Variants in MLLT3 observed in about 807,000 individuals in gnomAD.
The protein encoded by MLLT3 is protein AF-9.
MLLT3 carries 4 observed loss-of-function variants against 53.2 expected under a neutral mutation model. That is an observed-to-expected ratio of 0.08 (90% confidence interval 0.04 to 0.17). The LOEUF (loss-of-function observed/expected upper bound fraction) is 0.17. MLLT3 is among the 10% of genes least tolerant of loss of function. The pLI is 1.00. For missense variants in MLLT3, 569 were observed against 684.0 expected, an observed-to-expected ratio of 0.83 and a Z score of 1.87; for synonymous variants, 283 against 230.6, an observed-to-expected ratio of 1.23 and a Z score of -2.06.
intron 2 of MLLT3, among the ~76,000 whole-genome samples, chr9:20,512,692 T>C (rs1356480346): frequency 1.3e-5 from 2 of 152,218 alleles, no homozygotes; most frequent in Non-Finnish European, 2.9e-5. Context: ...TTAATGCAGC[T>C]GATTTTATTT....
rs561848386 is a variant in MLLT3, at chr9:20,415,414, C to A, written c.421-989G>T. The A allele has an allele frequency of 7.1e-5, 66 of 932,024 alleles. No individual in the cohort carries two copies. In the South Asian group the frequency reaches 2.9e-3, roughly 41 times the overall value. The allele number at this position is 932,024 out of a possible 1,614,324, so 57.7% of individuals were successfully genotyped here. On this transcript the variant is annotated intron_variant, in intron 4 of 10. Coordinates refer to ENST00000380338, the MANE Select transcript of MLLT3 (RefSeq NM_004529.4). Reference sequence around the variant, plus strand: ...TATATATAATCTTTCTGTTTAGGAACAAAATCTAAGTCCATACTTACCATA... The same window carrying A: ...TATATATAATCTTTCTGTTTAGGAAAAAAATCTAAGTCCATACTTACCATA...
intron 5 of MLLT3, among the ~76,000 whole-genome samples, chr9:20,373,420 T>C (rs563857557): frequency 6.2e-4 from 95 of 152,320 alleles, no homozygotes; most frequent in African/African-American, 2.1e-3. Flanking sequence ...TGTTTACAAC[T>C]AGAAGTGTTT....
intron 2 of MLLT3, among the ~76,000 whole-genome samples, chr9:20,551,816 T>C (rs1365534594): frequency 1.3e-5 from 2 of 152,178 alleles, no homozygotes; most frequent in Non-Finnish European, 2.9e-5. Context: ...TATTGAACAT[T>C]AACATTACAC....
chr9:20,524,006 T>G (rs1379148595), intron 2 of MLLT3, among the ~76,000 whole-genome samples: 2 of 148,592 alleles, frequency 1.3e-5, no homozygotes, highest in Non-Finnish European at 3.0e-5. Flanking sequence ...CACAGAGAGA[T>G]CAATGGTTGT....
intron 2 of MLLT3, among the ~76,000 whole-genome samples, chr9:20,567,420 C>G (rs911623159): frequency 3.3e-5 from 5 of 151,432 alleles, no homozygotes; most frequent in African/African-American, 1.2e-4. Context: ...CTGTTGCAAT[C>G]AAGCCACCAA....
At chr9:20,380,858 T>C (rs967349651) in intron 5 of MLLT3, among the ~76,000 whole-genome samples, 1 of 152,034 alleles carries the variant, frequency 6.6e-6, no homozygotes, top group Non-Finnish European at 1.5e-5. Context: ...TGGAAAGTGC[T>C]GTTTTCTTAT....
intron 2 of MLLT3, among the ~76,000 whole-genome samples, chr9:20,462,721 A>C (rs1236280848): frequency 6.6e-6 from 1 of 152,054 alleles, no homozygotes; most frequent in Non-Finnish European, 1.5e-5. Flanking sequence ...CCTCATCCCT[A>C]CTTAATTCAG....
At chr9:20,470,329 T>A (rs1362692125) in intron 2 of MLLT3, among the ~76,000 whole-genome samples, 1 of 152,004 alleles carries the variant, frequency 6.6e-6, no homozygotes, top group Admixed American at 6.6e-5. Flanking sequence ...AAGCCTGGTT[T>A]ATTTAAATTT....
intron 4 of MLLT3, among the ~76,000 whole-genome samples, chr9:20,439,354 TCAAAAACAAAAA>T (rs761625465): frequency 4.1e-5 from 6 of 147,732 alleles, no homozygotes; most frequent in Non-Finnish European, 8.9e-5. Flanking sequence ...AGACTCCATC[TCAAAAACAAAAA>T]CAAAAACAGA....
chr9:20,390,798 C>T (rs1822160776), intron 5 of MLLT3, among the ~76,000 whole-genome samples: 1 of 152,132 alleles, frequency 6.6e-6, no homozygotes, highest in Admixed American at 6.5e-5. Context: ...AATAGTAAGA[C>T]AAATCAGATA....
chr9:20,517,860 C>T (rs1005166174), intron 2 of MLLT3, among the ~76,000 whole-genome samples: 11 of 151,294 alleles, frequency 7.3e-5, no homozygotes, highest in Admixed American at 2.0e-4. Flanking sequence ...AAGAAAAAAG[C>T]GAGAAATCAA....
intron 5 of MLLT3, among the ~76,000 whole-genome samples, chr9:20,371,839 T>C (rs1821611849): frequency 1.3e-5 from 2 of 152,230 alleles, no homozygotes; most frequent in African/African-American, 4.8e-5. Flanking sequence ...GTGCCATAGA[T>C]AGTGATTCCT....
chr9:20,452,983 A>C (rs1001863770), intron 3 of MLLT3, among the ~76,000 whole-genome samples: 2 of 152,216 alleles, frequency 1.3e-5, no homozygotes, highest in Non-Finnish European at 2.9e-5. Context: ...CACTTAATAC[A>C]CTTAAAATTT....
At chr9:20,501,734 G>A in intron 2 of MLLT3, among the ~76,000 whole-genome samples, 1 of 145,424 alleles carries the variant, frequency 6.9e-6, no homozygotes, top group East Asian at 2.0e-4. Flanking sequence ...GTCCGGCCTG[G>A]GCGACAGAGC....
chr9:20,411,234 T>A (rs1822720702), intron 5 of MLLT3: 1 of 152,948 alleles, frequency 6.5e-6, no homozygotes, highest in East Asian at 1.9e-4. Context: ...TGTCCCCTGT[T>A]CCTTTTGTCT....
At chr9:20,590,581 G>A (rs1422340780) in intron 2 of MLLT3, among the ~76,000 whole-genome samples, 2 of 152,164 alleles carry the variant, frequency 1.3e-5, no homozygotes, top group Admixed American at 1.3e-4. Flanking sequence ...CACCATGTAA[G>A]ACATGCCTGC....
chr9:20,616,413 T>C (rs1426364325), intron 2 of MLLT3, among the ~76,000 whole-genome samples: 1 of 152,170 alleles, frequency 6.6e-6, no homozygotes, highest in African/African-American at 2.4e-5. Flanking sequence ...ATATTCTATA[T>C]TGGTTTTTTA....
chr9:20,588,618 T>C (rs1820042634), intron 2 of MLLT3, among the ~76,000 whole-genome samples: 1 of 152,136 alleles, frequency 6.6e-6, no homozygotes, highest in Non-Finnish European at 1.5e-5. Context: ...TGAATGGGAG[T>C]TCACTCATGA....
intron 2 of MLLT3, among the ~76,000 whole-genome samples, chr9:20,530,112 T>C (rs1818294312): frequency 6.6e-6 from 1 of 152,216 alleles, no homozygotes; most frequent in Non-Finnish European, 1.5e-5. Flanking sequence ...GCATAAATGT[T>C]AATGCTTGTT....
Sources: allele counts gnomAD v4.1 joint callset (sites outside exome capture counted in the v4.1 genomes callset), GRCh38; gene constraint gnomAD v4.1.1; transcripts MANE v1.5; gene names NCBI Gene and HGNC (gene_info 2026-07-23, HGNC 2026-07-21).